The following OXSM variants were observed in gnomAD, a reference collection of about 807,000 sequenced individuals.
OXSM encodes the protein 3-oxoacyl-ACP synthase, mitochondrial.
In OXSM, 19 loss-of-function variants were observed where a neutral mutation model predicts 29.2. The observed-to-expected ratio is 0.65, with a 90% CI of 0.45 to 0.96. OXSM has a LOEUF of 0.96. Among genes scored for constraint, OXSM ranks in the 40% least tolerant of loss-of-function variants. OXSM has a pLI of 0.00. For missense variants in OXSM, 554 were observed against 551.3 expected, an observed-to-expected ratio of 1.00 and a Z score of -0.05; for synonymous variants, 178 against 197.1, an observed-to-expected ratio of 0.90 and a Z score of 0.81.
Position 25,791,639 on chromosome 3 carries a change from A to C in OXSM, c.619A>C (p.Thr207Pro). ...CAAGGGCCCAAATCATGCAGTATCC[A>C]CAGCCTGTACCACAGGAGCTCATGC... ...KLKGPNHAVS[T>P]ACTTGAHAVG... Residue 207 changes from threonine to proline, a missense_variant, in exon 2 of 3, where the codon ACA becomes CCA. Physicochemically the swap from Thr to Pro is conservative, Grantham distance 38. Transcript: ENST00000280701. The C allele has an allele frequency of 1.2e-6, 2 of 1,614,198 alleles. No individual in the cohort carries two copies. Among genetic ancestry groups the C allele is most frequent in the Non-Finnish European group, 1.7e-6 (2 of 1,180,026 alleles).
intron 1 of OXSM, 142 bp downstream of exon 1, chr3:25,790,289 A>C: frequency 3.4e-6 from 1 of 292,334 alleles, no homozygotes; most frequent in Non-Finnish European, 6.6e-6. Flanking sequence ...GGCTGTGTAC[A>C]TGTGTGGTGG....
rs1193404597 is a variant in OXSM, at chr3:25,790,982, T to C, written c.-31-8T>C. 8.2e-6 allele frequency: 13 copies of C among 1,581,262 alleles called. No homozygotes were observed. Among genetic ancestry groups the C allele is most frequent in the Non-Finnish European group, 9.5e-6 (11 of 1,162,052 alleles). ...AATACCTCCTAGGTGTGTTGTGGTCTTTTACAGGAATGTGTTTCTGATCAT... is the reference window on the plus strand; with the variant it reads ...AATACCTCCTAGGTGTGTTGTGGTCCTTTACAGGAATGTGTTTCTGATCAT... On this transcript the variant is annotated splice_polypyrimidine_tract_variant and splice_region_variant and intron_variant, in intron 1 of 2. Coordinates refer to ENST00000280701, the MANE Select transcript of OXSM (RefSeq NM_017897.3).
rs1372815916 is a variant in OXSM at position 25,794,222 on chromosome 3, C to T, written c.1108C>T (p.His370Tyr). The change falls in exon 3 of 3, where the codon CAT (histidine) becomes TAT (tyrosine). Residue 370 changes from histidine (H) to tyrosine (Y), a missense_variant. Physicochemically the swap from His to Tyr is moderately conservative, Grantham distance 83. Transcript: ENST00000280701. Reference sequence around the variant, plus strand: ...AGCTATCAAACATCTCTTCAAAGACCATGCATATGCCCTTGCAGTTTCCTC... The same window carrying T: ...AGCTATCAAACATCTCTTCAAAGACTATGCATATGCCCTTGCAGTTTCCTC... ...NKAIKHLFKD[H>Y]AYALAVSSTK... is the part of the protein sequence containing the mutation. 1.9e-6 allele frequency: 3 copies of T among 1,614,254 alleles called. No individual in the cohort carries two copies. The Admixed American group carries it at 5.0e-5, about 27-fold the overall frequency.
chr3:25,793,857 G>A (rs1708817853), intron 2 of OXSM, among the ~76,000 whole-genome samples: 1 of 152,210 alleles, frequency 6.6e-6, no homozygotes, highest in East Asian at 1.9e-4. Context: ...TGGCTTGTGT[G>A]TTTAACTCTT....
rs1466334319 is a variant in OXSM, at chr3:25,791,971, T to G, written c.951T>G (p.Pro317=). Residue 317 remains proline (P), a synonymous_variant, in exon 2 of 3, where the codon CCT becomes CCG. Coordinates refer to ENST00000280701, the MANE Select transcript of OXSM (RefSeq NM_017897.3). ...LSGDAGHITA[P]DPEGEGALRC... is the part of the protein sequence containing the mutation. ...GTGATGCTGGTCACATAACTGCCCC[T>G]GATCCTGAAGGAGAAGGTGCCTTAA... 1.3e-6 allele frequency: 2 copies of G among 1,598,794 alleles called. No individual in the cohort carries two copies. The highest frequency in any genetic ancestry group is 1.1e-5 in the South Asian group (1 of 90,936).
Position 25,794,131 on chromosome 3 carries a change from T to G in OXSM, c.1017T>G (p.Pro339=), listed in dbSNP as rs1559569745. 1 of 1,614,114 alleles carries G rather than the reference T, an allele frequency of 6.2e-7. No homozygotes were observed. Among genetic ancestry groups the G allele is most frequent in the Non-Finnish European group, 8.5e-7 (1 of 1,179,972 alleles). The change falls in exon 3 of 3, where the codon CCT becomes CCG. Residue 339 remains proline, a synonymous_variant. Coordinates refer to ENST00000280701, the MANE Select transcript of OXSM (RefSeq NM_017897.3). ...AAALKDAGVQ[P]EEISYINAHA... ...CTTTAAAAGATGCAGGTGTGCAGCC[T>G]GAGGAGATATCCTATATCAATGCAC...
At chr3:25,790,901 A>C (rs137900165) in intron 1 of OXSM, 89 bp from the exon 2 acceptor site, 1 of 881,850 alleles carries the variant, frequency 1.1e-6, no homozygotes, top group Non-Finnish European at 1.8e-6. Context: ...GCTCATATCA[A>C]GCACCCAAAG....
intron 2 of OXSM, 65 bp downstream of exon 2, chr3:25,792,062 T>C: frequency 7.0e-7 from 1 of 1,426,470 alleles, no homozygotes; most frequent in Non-Finnish European, 9.5e-7. Context: ...GAATCCCAAA[T>C]TAGGGAAGTT....
Position 25,790,123 on chromosome 3 carries a change from A to G in OXSM, c.-56A>G. The G allele has an allele frequency of 3.5e-6, 2 of 574,888 alleles. No individual in the cohort carries two copies. The highest frequency in any genetic ancestry group is 6.2e-6 in the Non-Finnish European group (2 of 323,340). The allele number at this position is 574,888 out of a possible 1,614,324, so 35.6% of individuals were successfully genotyped here. On this transcript the variant is annotated 5_prime_UTR_variant, in exon 1 of 3. Transcript: ENST00000280701. Reference sequence around the variant, plus strand: ...GCGTCATCGCCCCCGACTGTGGAGAAGTGTCCGGGGTAGCCCCGTTACAGG... The same window carrying G: ...GCGTCATCGCCCCCGACTGTGGAGAGGTGTCCGGGGTAGCCCCGTTACAGG...
rs772086002 is a variant in OXSM at position 25,794,170 on chromosome 3, A to T, written c.1056A>T (p.Thr352=). 2 of 1,614,196 alleles carry T rather than the reference A, an allele frequency of 1.2e-6. No individual in the cohort carries two copies. The highest frequency in any genetic ancestry group is 3.3e-5 in the Admixed American group (2 of 60,024). The stretch of plus-strand genomic sequence containing the variant: ...ATATCAATGCACATGCTACTTCCAC[A>T]CCATTGGGAGATGCTGCTGAAAACA... ...ISYINAHATS[T]PLGDAAENKA... Residue 352 remains threonine, a synonymous_variant, in exon 3 of 3, where the codon ACA becomes ACT. Coordinates refer to ENST00000280701, the MANE Select transcript of OXSM (RefSeq NM_017897.3).
At position 25,791,043 on chromosome 3, in the gene OXSM, T is replaced by C; in HGVS notation, c.23T>C (p.Phe8Ser). The change falls in exon 2 of 3, where the codon TTC (phenylalanine) becomes TCC (serine). Residue 8 changes from phenylalanine to serine, a missense_variant. Phe to Ser is a radical substitution (Grantham distance 155). Transcript: ENST00000280701. The part of the protein sequence containing the change: MSNCLQN[F>S]LKITSTRLLC... Reference sequence around the variant, plus strand: ...ATCATGTCCAACTGCCTGCAAAATTTCCTGAAAATTACAAGCACTCGTCTT... The same window carrying C: ...ATCATGTCCAACTGCCTGCAAAATTCCCTGAAAATTACAAGCACTCGTCTT... The C allele has an allele frequency of 1.2e-6, 2 of 1,611,802 alleles. No homozygotes were observed. Among genetic ancestry groups the C allele is most frequent in the Non-Finnish European group, 1.7e-6 (2 of 1,178,136 alleles).
intron 1 of OXSM, 137 bp from the exon 2 acceptor site, chr3:25,790,853 A>AT (rs1708727119): frequency 1.6e-6 from 1 of 611,438 alleles, no homozygotes; most frequent in African/African-American, 1.8e-5. Context: ...TAAGGTATAA[A>AT]TTGAAAGTAT....
chr3:25,794,156 C>T lies in OXSM; in HGVS notation c.1042C>T (p.His348Tyr). ...TGAGGAGATATCCTATATCAATGCA[C>T]ATGCTACTTCCACACCATTGGGAGA... The part of the protein sequence containing the change: ...QPEEISYINA[H>Y]ATSTPLGDAA... The change falls in exon 3 of 3, where the codon CAT becomes TAT. Residue 348 changes from histidine (H) to tyrosine (Y), a missense_variant. Transcript: ENST00000280701. The T allele has an allele frequency of 1.9e-6, 3 of 1,614,114 alleles. No homozygotes were observed. The highest frequency in any genetic ancestry group is 2.5e-6 in the Non-Finnish European group (3 of 1,179,952).
chr3:25,792,019 C>T (rs367654148), intron 2 of OXSM, 22 bp downstream of exon 2: 45 of 1,565,644 alleles, frequency 2.9e-5, no homozygotes, highest in African/African-American at 2.5e-4. Context: ...TTATTTCCTT[C>T]GAAATATTTC....
In OXSM at chr3:25,791,744, C is replaced by T. The variant is rs377136385; in HGVS notation, c.724C>T (p.Pro242Ser). 1.9e-6 allele frequency: 3 copies of T among 1,614,070 alleles called. No homozygotes were observed. Among genetic ancestry groups the T allele is most frequent in the South Asian group, 2.2e-5 (2 of 91,076 alleles). Residue 242 changes from proline (P) to serine (S), a missense_variant, in exon 2 of 3, where the codon CCT becomes TCT. Transcript: ENST00000280701. ...TGGAGGTACAGATTCTTGTATTAGC[C>T]CTTTATCTCTTGCTGGGTTTTCCAG... ...VAGGTDSCIS[P>S]LSLAGFSRAR...
At position 25,794,168 on chromosome 3, in the gene OXSM, A is replaced by G. The variant is rs1352002576; in HGVS notation, c.1054A>G (p.Thr352Ala). The G allele has an allele frequency of 6.2e-7, 1 of 1,614,132 alleles. No individual in the cohort carries two copies. The highest frequency in any genetic ancestry group is 8.5e-7 in the Non-Finnish European group (1 of 1,180,042). The change falls in exon 3 of 3, where the codon ACA (threonine) becomes GCA (alanine). Residue 352 changes from threonine to alanine, a missense_variant. Thr to Ala is a moderately conservative substitution (Grantham distance 58). Coordinates refer to ENST00000280701, the MANE Select transcript of OXSM (RefSeq NM_017897.3). Reference sequence around the variant, plus strand: ...CTATATCAATGCACATGCTACTTCCACACCATTGGGAGATGCTGCTGAAAA... The same window carrying G: ...CTATATCAATGCACATGCTACTTCCGCACCATTGGGAGATGCTGCTGAAAA... ...ISYINAHATSTPLGDAAENKA... is the reference protein window; with the variant it reads ...ISYINAHATSAPLGDAAENKA...
At position 25,792,004 on chromosome 3, in the gene OXSM, A is replaced by T; in HGVS notation, c.977+7A>T. The T allele has an allele frequency of 1.3e-6, 2 of 1,588,004 alleles. No homozygotes were observed. The highest frequency in any genetic ancestry group is 1.7e-6 in the Non-Finnish European group (2 of 1,174,092). On this transcript the variant is annotated splice_region_variant and intron_variant, in intron 2 of 2. Coordinates refer to ENST00000280701, the MANE Select transcript of OXSM (RefSeq NM_017897.3). ...AAGGAGAAGGTGCCTTAAGGTAAAG[A>T]TGGGTTATTTCCTTCGAAATATTTC...
At chr3:25,793,233 GTCC>G (rs755937622) in intron 2 of OXSM, among the ~76,000 whole-genome samples, 37 of 151,102 alleles carry the variant, frequency 2.4e-4, no homozygotes, top group Non-Finnish European at 4.0e-4. Context: ...GCCTCAAGCA[GTCC>G]TCCTGCCTTG....
Position 25,791,539 on chromosome 3 carries a change from TA to T in OXSM, c.522del (p.Val175LeufsTer49). 6.2e-7 allele frequency: 1 copy of T among 1,614,184 alleles called. No individual in the cohort carries two copies. The highest frequency in any genetic ancestry group is 8.5e-7 in the Non-Finnish European group (1 of 1,180,014). ...TGAATTTTCAGACAAAAGGTTACAA[TA>T]AAGTTAGCCCATTTTTTGTCCCTAA... is the stretch of plus-strand genomic sequence containing the variant. ...ALNFQTKGYNKVSPFFVPKIL... is the reference protein window; with the variant it reads ...ALNFQTKGYNXVSPFFVPKIL... On this transcript the variant is annotated frameshift_variant, in exon 2 of 3. Coordinates refer to ENST00000280701, the MANE Select transcript of OXSM (RefSeq NM_017897.3). LOFTEE classifies it high-confidence loss of function.
Sources: allele counts gnomAD v4.1 joint callset (sites outside exome capture counted in the v4.1 genomes callset), GRCh38; gene constraint gnomAD v4.1.1; transcripts MANE v1.5; gene names NCBI Gene and HGNC (gene_info 2026-07-23, HGNC 2026-07-21).